The following RNGTT variants were observed in gnomAD, a reference collection of about 807,000 sequenced individuals.
RNGTT encodes the protein RNA guanylyltransferase and 5'-phosphatase.
RNGTT carries 33 observed loss-of-function variants against 79.3 expected under a neutral mutation model. The ratio of observed to expected loss-of-function variants is 0.42; its 90% CI spans 0.32 to 0.56. The LOEUF (loss-of-function observed/expected upper bound fraction) is 0.56. RNGTT is among the 20% of genes least tolerant of loss of function. RNGTT has a pLI of 0.17. For synonymous variants in RNGTT, 222 were observed against 235.9 expected, an observed-to-expected ratio of 0.94 and a Z score of 0.54; for missense variants, 497 against 739.1, an observed-to-expected ratio of 0.67 and a Z score of 3.80.
intron 4 of RNGTT, among the ~76,000 whole-genome samples, chr6:88,923,616 C>T (rs540486124): frequency 6.6e-6 from 1 of 152,180 alleles, no homozygotes; most frequent in South Asian, 2.1e-4. Flanking sequence ...CAAACATTTA[C>T]CTGATGAAGA....
chr6:88,901,861 AC>A (rs1345773806), intron 6 of RNGTT, among the ~76,000 whole-genome samples: 1 of 152,182 alleles, frequency 6.6e-6, no homozygotes, highest in East Asian at 1.9e-4. Context: ...AGACAATTTC[AC>A]ACAAATACTA....
At chr6:88,739,767 ATATATATATATG>A (rs1777419101) in intron 13 of RNGTT, among the ~76,000 whole-genome samples, 1 of 61,098 alleles carries the variant, frequency 1.6e-5, no homozygotes, top group Admixed American at 1.8e-4. Context: ...ATATATATAT[ATATATATATATG>A]TTAACACATG....
intron 13 of RNGTT, among the ~76,000 whole-genome samples, chr6:88,731,719 A>G (rs1777123486): frequency 6.6e-6 from 1 of 152,200 alleles, no homozygotes; most frequent in Admixed American, 6.5e-5. Flanking sequence ...ATAAAGGTTT[A>G]ACATCAAGAA....
At position 88,904,771 on chromosome 6, in the gene RNGTT, AT is replaced by A; in HGVS notation, c.627del (p.Glu209AspfsTer18). ...AAAGAAGCACTTGACCCGGGTTCTG[AT>A]TCCTTCTTTCCATCCTCATCCTCAT... ...DEDEDEDGKK[E>X]SEPGSSASFG... is the part of the protein sequence containing the mutation. On this transcript the variant is annotated frameshift_variant, in exon 6 of 16. Coordinates refer to ENST00000369485, the MANE Select transcript of RNGTT (RefSeq NM_003800.5). LOFTEE classifies it high-confidence loss of function. The A allele has an allele frequency of 6.2e-7, 1 of 1,613,956 alleles. No homozygotes were observed. Among genetic ancestry groups the A allele is most frequent in the Non-Finnish European group, 8.5e-7 (1 of 1,179,976 alleles).
Position 88,612,585 on chromosome 6 carries a change from T to C in RNGTT, c.*134A>G. 2.0e-6 allele frequency: 2 copies of C among 1,015,722 alleles called. No individual in the cohort carries two copies. Among genetic ancestry groups the C allele is most frequent in the Admixed American group, 2.3e-5 (1 of 42,866 alleles). 62.9% of individuals were successfully genotyped at this position (1,015,722 alleles called of 1,614,324 possible). ...TTACAGGCTGGCTACGATAACTTTCTTTTTTTAAAAAAAATTCAAATGTGT... is the reference window on the plus strand; with the variant it reads ...TTACAGGCTGGCTACGATAACTTTCCTTTTTTAAAAAAAATTCAAATGTGT... On this transcript the variant is annotated 3_prime_UTR_variant, in exon 16 of 16. Transcript: ENST00000369485.
chr6:88,864,308 G>A (rs1339681712), intron 8 of RNGTT, among the ~76,000 whole-genome samples: 1 of 152,102 alleles, frequency 6.6e-6, no homozygotes, highest in African/African-American at 2.4e-5. Context: ...ACTTCATTTT[G>A]TAATTGGGTT....
Position 88,744,487 on chromosome 6 carries a change from C to T in RNGTT, c.1439+25287G>A, listed in dbSNP as rs150086147. ...ATGTTGGCCAAGATATTCTCGATCT[C>T]CTGACCTTGTGATCTATGCACCTCA... is the stretch of plus-strand genomic sequence containing the variant. On this transcript the variant is annotated intron_variant, in intron 13 of 15. Transcript: ENST00000369485. Among the ~76,000 whole-genome samples the T allele has an allele frequency of 2.9e-3, 445 of 152,228 alleles. 1 individual carries two copies. The highest frequency in any genetic ancestry group is 7.0e-3 in the Admixed American group (107 of 15,288).
chr6:88,677,098 C>T (rs1024497077), intron 14 of RNGTT, among the ~76,000 whole-genome samples: 7 of 151,898 alleles, frequency 4.6e-5, no homozygotes, highest in Admixed American at 1.3e-4. Flanking sequence ...TACTTGGCAA[C>T]AAAAAATAAT....
chr6:88,830,333 AAAT>A (rs1428554704), intron 11 of RNGTT, among the ~76,000 whole-genome samples: 1 of 152,168 alleles, frequency 6.6e-6, no homozygotes, highest in Non-Finnish European at 1.5e-5. Flanking sequence ...ATAAATAATG[AAAT>A]AATGAAATTA....
chr6:88,930,185 C>A (rs1344875839), intron 2 of RNGTT, among the ~76,000 whole-genome samples: 2 of 147,332 alleles, frequency 1.4e-5, no homozygotes, highest in Non-Finnish European at 3.0e-5. Flanking sequence ...TATGTATATA[C>A]ATATATACAT....
intron 4 of RNGTT, among the ~76,000 whole-genome samples, chr6:88,920,413 TG>T (rs1784129293): frequency 6.6e-6 from 1 of 152,208 alleles, no homozygotes; most frequent in African/African-American, 2.4e-5. Context: ...GTTATTTATA[TG>T]GTACAGTATG....
chr6:88,803,607 T>C (rs913135929), intron 11 of RNGTT, among the ~76,000 whole-genome samples: 10 of 142,582 alleles, frequency 7.0e-5, no homozygotes, highest in African/African-American at 2.4e-4. Context: ...ACTAAATTCA[T>C]AGCATTTCTG....
At chr6:88,933,524 C>T (rs552702067) in intron 2 of RNGTT, among the ~76,000 whole-genome samples, 3 of 152,014 alleles carry the variant, frequency 2.0e-5, no homozygotes, top group Admixed American at 1.3e-4. Context: ...TCTGTTGCCC[C>T]GGCTGGAATG....
intron 11 of RNGTT, among the ~76,000 whole-genome samples, chr6:88,816,106 T>G (rs1780307351): frequency 6.6e-6 from 1 of 152,240 alleles, no homozygotes; most frequent in African/African-American, 2.4e-5. Flanking sequence ...ACGGTGATTT[T>G]ATTTCCTGTA....
At chr6:88,654,455 A>G (rs1162093853) in intron 14 of RNGTT, among the ~76,000 whole-genome samples, 1 of 152,164 alleles carries the variant, frequency 6.6e-6, no homozygotes, top group African/African-American at 2.4e-5. Flanking sequence ...TATCCTCAAA[A>G]AACATGAAAT....
At chr6:88,735,082 T>C in intron 13 of RNGTT, among the ~76,000 whole-genome samples, 1 of 152,098 alleles carries the variant, frequency 6.6e-6, no homozygotes. Context: ...TAACCAGGGA[T>C]AAAGTGGAGT....
intron 13 of RNGTT, among the ~76,000 whole-genome samples, chr6:88,687,196 C>G (rs2127793792): frequency 6.6e-6 from 1 of 152,232 alleles, no homozygotes; most frequent in Admixed American, 6.5e-5. Flanking sequence ...TATTCAAACT[C>G]ACTTGTAACT....
chr6:88,905,627 A>G (rs1194167357), intron 5 of RNGTT, among the ~76,000 whole-genome samples: 2 of 152,242 alleles, frequency 1.3e-5, no homozygotes, highest in Non-Finnish European at 1.5e-5. Flanking sequence ...ATTGGGTACT[A>G]AAGTCGTAAT....
At chr6:88,644,407 G>A (rs1413171396) in intron 14 of RNGTT, among the ~76,000 whole-genome samples, 1 of 151,940 alleles carries the variant, frequency 6.6e-6, no homozygotes, top group Non-Finnish European at 1.5e-5. Flanking sequence ...ATTCACAGCC[G>A]AATTCTACCA....
Sources: gnomAD v4.1 joint callset for allele counts (sites outside exome capture counted in the v4.1 genomes callset) on GRCh38, gnomAD v4.1.1 for gene constraint, MANE v1.5 for transcripts, NCBI Gene and HGNC (gene_info 2026-07-23, HGNC 2026-07-21) for gene names.